The following ADHFE1 variants were observed in gnomAD, a reference collection of about 807,000 sequenced individuals.
ADHFE1 encodes alcohol dehydrogenase iron containing 1, also known as hydroxyacid-oxoacid transhydrogenase, mitochondrial.
In ADHFE1, 37 loss-of-function variants were observed where a neutral mutation model predicts 54.8. The ratio of observed to expected loss-of-function variants is 0.68; its 90% CI spans 0.52 to 0.89. The LOEUF (loss-of-function observed/expected upper bound fraction) is 0.89, where lower values mean the gene tolerates loss of function less well. Ranked by LOEUF, ADHFE1 falls within the 40% of genes least tolerant of loss-of-function variation. The pLI is 0.00. For missense variants in ADHFE1, 601 were observed against 591.2 expected (o/e 1.02, Z -0.17); for synonymous variants, 203 against 229.3 (o/e 0.89, Z 1.04).
chr8:66,439,153 C>T lies in ADHFE1; in HGVS notation c.60-1009C>T, dbSNP rs1213863117. 4.1e-6 allele frequency: 4 copies of T among 980,470 alleles called. No individual in the cohort carries two copies. The allele number at this position is 980,470 out of a possible 1,614,324, so 60.7% of individuals were successfully genotyped here. ...CCGCGTCTGCTTTGACTTCGCAGTT[C>T]GAATTTTTGAGATCTGGACGGCCAC... On this transcript the variant is annotated intron_variant, in intron 1 of 13. Coordinates refer to ENST00000396623, the MANE Select transcript of ADHFE1 (RefSeq NM_144650.3). This position sits in a 1 kb window ranked among gnomAD's most constrained non-coding sequence, Gnocchi z 4.4.
chr8:66,449,285 G>A (rs944027323), intron 8 of ADHFE1, among the ~76,000 whole-genome samples: 1 of 151,788 alleles, frequency 6.6e-6, no homozygotes, highest in African/African-American at 2.4e-5. Flanking sequence ...AGTTGGAGCT[G>A]GTGTGCAGCA....
At chr8:66,437,466 G>A (rs1237326096) in intron 1 of ADHFE1, among the ~76,000 whole-genome samples, 2 of 152,250 alleles carry the variant, frequency 1.3e-5, no homozygotes, top group Admixed American at 1.3e-4. Flanking sequence ...GCCTCACTCT[G>A]CTTCTCTGAA....
At position 66,432,535 on chromosome 8, in the gene ADHFE1, G is replaced by T. The variant is rs773553116; in HGVS notation, c.19G>T (p.Ala7Ser). The T allele has an allele frequency of 2.0e-5, 27 of 1,359,650 alleles. No individual in the cohort carries two copies. Among genetic ancestry groups the T allele is most frequent in the Non-Finnish European group, 2.6e-5 (27 of 1,045,284 alleles). The allele number at this position is 1,359,650 out of a possible 1,614,324, so 84.2% of individuals were successfully genotyped here. Residue 7 changes from alanine (A) to serine (S), a missense_variant, in exon 1 of 14, where the codon GCC (alanine) becomes TCC (serine). Physicochemically the swap from Ala to Ser is moderately conservative, Grantham distance 99. Transcript: ENST00000396623. Reference protein sequence around the residue: MAAAARARVAYLLRQLQ... With the variant: MAAAARSRVAYLLRQLQ... ...AAGCGCCATGGCCGCTGCCGCCCGAGCCCGGGTCGCGTACTTGCTGAGGCA... is the reference window on the plus strand; with the variant it reads ...AAGCGCCATGGCCGCTGCCGCCCGATCCCGGGTCGCGTACTTGCTGAGGCA...
Position 66,451,346 on chromosome 8 carries a change from AT to A in ADHFE1, c.735-606del, listed in dbSNP as rs1806289929. Among the ~76,000 whole-genome samples the A allele has an allele frequency of 2.6e-5, 4 of 152,272 alleles. No individual in the cohort carries two copies. In the South Asian group the frequency reaches 8.3e-4, roughly 32 times the overall value. On this transcript the variant is annotated intron_variant, in intron 8 of 13. Transcript: ENST00000396623. ...CCAGGTACTCTTCTAAATACTTTAC[AT>A]GTGTCAACTCATCGAATTTTCACAG...
chr8:66,433,263 A>C (rs1410422503), intron 1 of ADHFE1, among the ~76,000 whole-genome samples: 1 of 152,206 alleles, frequency 6.6e-6, no homozygotes, highest in African/African-American at 2.4e-5. Flanking sequence ...GTAGGAGGAA[A>C]GGCGAGGGAC....
chr8:66,462,064 A>AT (rs1806928850), intron 13 of ADHFE1, among the ~76,000 whole-genome samples: 1 of 152,088 alleles, frequency 6.6e-6, no homozygotes, highest in Non-Finnish European at 1.5e-5. Flanking sequence ...TGGCTCATCC[A>AT]TTTTCCATTG....
rs1108 is a variant in ADHFE1, at chr8:66,468,628, T to C, written c.*276T>C. 107,554 of 199,144 alleles carry C rather than the reference T, an allele frequency of 0.54. 30,431 individuals are homozygous for C. Among genetic ancestry groups the C allele is most frequent in the African/African-American group, 0.72 (30,867 of 42,866 alleles). 12.3% of individuals were successfully genotyped at this position (199,144 alleles called of 1,614,324 possible). A position where few individuals can be genotyped will look rare whatever the true frequency, so the allele number is the denominator to read the frequency against. On this transcript the variant is annotated 3_prime_UTR_variant, in exon 14 of 14. Coordinates refer to ENST00000396623, the MANE Select transcript of ADHFE1 (RefSeq NM_144650.3). The stretch of plus-strand genomic sequence containing the variant: ...CCCCACACAGAATACTCTGCCTCTG[T>C]TTCATGTAGCAAATGAGCAAAAACT...
chr8:66,451,872 T>C, intron 8 of ADHFE1, 81 bp from the exon 9 acceptor site: 1 of 1,544,916 alleles, frequency 6.5e-7, no homozygotes, highest in Non-Finnish European at 8.8e-7. Context: ...GCCAAACAGC[T>C]CCAAGACAGG....
intron 13 of ADHFE1, among the ~76,000 whole-genome samples, chr8:66,464,920 A>G (rs1314852447): frequency 6.6e-6 from 1 of 152,096 alleles, no homozygotes; most frequent in East Asian, 1.9e-4. Context: ...TTCTGTCTCT[A>G]TGAATTTGCC....
intron 6 of ADHFE1, among the ~76,000 whole-genome samples, chr8:66,446,260 C>T (rs917463995): frequency 1.7e-4 from 26 of 152,166 alleles, no homozygotes; most frequent in African/African-American, 5.6e-4. Flanking sequence ...GTCAGCATCA[C>T]ACAGAGGGGT....
rs139680830 is a variant in ADHFE1 at position 66,447,318 on chromosome 8, A to G, written c.605A>G (p.Tyr202Cys). 1.3e-5 allele frequency: 21 copies of G among 1,613,520 alleles called. No individual in the cohort carries two copies. The African/African-American group carries it at 2.5e-4, about 19-fold the overall frequency. The change falls in exon 7 of 14, where the codon TAT becomes TGT. Residue 202 changes from tyrosine (Y) to cysteine (C), a missense_variant. Coordinates refer to ENST00000396623, the MANE Select transcript of ADHFE1 (RefSeq NM_144650.3). ...ACTACTGGGGTTGCCATTTTTGACT[A>G]TGAACACTTGAAAGTAAAAATTGGT... ...SETTGVAIFD[Y>C]EHLKVKIGIT... is the part of the protein sequence containing the mutation.
chr8:66,443,672 A>AG (rs11452004), intron 3 of ADHFE1, among the ~76,000 whole-genome samples: 38,024 of 151,998 alleles, frequency 0.25, 4,997 homozygotes, highest in Middle Eastern at 0.3. Flanking sequence ...CTGAAGGCAC[A>AG]GGCCCCATCT....
chr8:66,442,310 T>C (rs1805792802), intron 2 of ADHFE1, among the ~76,000 whole-genome samples: 1 of 125,708 alleles, frequency 8.0e-6, no homozygotes, highest in Non-Finnish European at 1.7e-5. Context: ...ACATTCTATC[T>C]TTTTTTTTTT....
At chr8:66,460,143 C>T (rs944467436) in intron 12 of ADHFE1, 165 bp from the exon 13 acceptor site, 2 of 799,740 alleles carry the variant, frequency 2.5e-6, no homozygotes, top group Admixed American at 2.4e-5. Flanking sequence ...TAAGTGAGCT[C>T]CCCCAGCCAA....
Position 66,439,849 on chromosome 8 carries a change from C to G in ADHFE1, c.60-313C>G. On this transcript the variant is annotated intron_variant, in intron 1 of 13. Transcript: ENST00000396623. The surrounding 1 kb of genome is among the most constrained non-coding windows in gnomAD (Gnocchi z 4.4). ...GCTGGGGCTTCATGGAGACCAGAGA[C>G]CCCCATCTTAAACTTGCATGTACCC... 2.0e-6 allele frequency: 2 copies of G among 1,002,930 alleles called. No homozygotes were observed. Among genetic ancestry groups the G allele is most frequent in the Non-Finnish European group, 2.5e-6 (2 of 789,820 alleles). The allele number at this position is 1,002,930 out of a possible 1,614,324, so 62.1% of individuals were successfully genotyped here.
At chr8:66,450,794 C>T (rs1806258245) in intron 8 of ADHFE1, among the ~76,000 whole-genome samples, 1 of 152,234 alleles carries the variant, frequency 6.6e-6, no homozygotes, top group South Asian at 2.1e-4. Flanking sequence ...CCAACTTCCC[C>T]ATGTGGACAC....
chr8:66,455,149 G>A (rs559438590), intron 10 of ADHFE1, among the ~76,000 whole-genome samples: 1 of 152,296 alleles, frequency 6.6e-6, no homozygotes, highest in Admixed American at 6.5e-5. Flanking sequence ...TATATAGGTA[G>A]GAGCAGAATT....
intron 8 of ADHFE1, among the ~76,000 whole-genome samples, chr8:66,449,368 C>T (rs998781552): frequency 4.7e-4 from 71 of 152,118 alleles, no homozygotes; most frequent in African/African-American, 1.4e-3. Flanking sequence ...TTTATGGCCT[C>T]ACTAACTAGG....
chr8:66,463,114 A>T (rs9643581), intron 13 of ADHFE1, among the ~76,000 whole-genome samples: 10,741 of 152,230 alleles, frequency 0.071, 512 homozygotes, highest in East Asian at 0.18. Flanking sequence ...GAGCCACCAC[A>T]ACTGGCCCAG....
Sources: allele counts gnomAD v4.1 joint callset (sites outside exome capture counted in the v4.1 genomes callset), GRCh38; gene constraint gnomAD v4.1.1; non-coding constraint Gnocchi (gnomAD v3.1); transcripts MANE v1.5; gene names NCBI Gene and HGNC (gene_info 2026-07-23, HGNC 2026-07-21).